Variants in TMEM232 observed in about 807,000 individuals in gnomAD.
TMEM232 encodes the protein transmembrane protein 232.
A neutral mutation model predicts 78.8 loss-of-function variants in TMEM232; 80 were observed. That is an observed-to-expected ratio of 1.01 (90% CI 0.85 to 1.22). The LOEUF is 1.22. Among genes scored for constraint, TMEM232 ranks in the 50% most tolerant of loss-of-function variants. TMEM232 has a pLI of 0.00. For missense variants in TMEM232, 881 were observed against 742.2 expected (o/e 1.19, Z -2.17); for synonymous variants, 297 against 254.3 (o/e 1.17, Z -1.60).
At chr5:110,590,540 G>A (rs186512618) in intron 10 of TMEM232, among the ~76,000 whole-genome samples, 2 of 151,944 alleles carry the variant, frequency 1.3e-5, no homozygotes, top group Admixed American at 6.6e-5. Context: ...TGAAGCAGTT[G>A]CATCAAAACC....
At chr5:110,505,012 C>A (rs1766706733) in intron 12 of TMEM232, among the ~76,000 whole-genome samples, 1 of 152,218 alleles carries the variant, frequency 6.6e-6, no homozygotes. Flanking sequence ...TCATGTATAC[C>A]TTCTTTCCTC....
At chr5:110,643,021 T>C (rs188984920) in intron 2 of TMEM232, among the ~76,000 whole-genome samples, 113 of 151,776 alleles carry the variant, frequency 7.4e-4, no homozygotes, top group African/African-American at 2.5e-3. Context: ...TGGGACGTAA[T>C]AGTGGCTTGG....
At chr5:110,473,517 T>C (rs1762899984) in intron 12 of TMEM232, among the ~76,000 whole-genome samples, 1 of 151,730 alleles carries the variant, frequency 6.6e-6, no homozygotes, top group Non-Finnish European at 1.5e-5. Flanking sequence ...TTAAATATTA[T>C]GGAGGTTTCT....
At chr5:110,497,605 GACA>G (rs1765774276) in intron 12 of TMEM232, among the ~76,000 whole-genome samples, 1 of 152,104 alleles carries the variant, frequency 6.6e-6, no homozygotes, top group Non-Finnish European at 1.5e-5. Flanking sequence ...GAGCAGATCT[GACA>G]ACAATGGCTC....
chr5:110,684,152 C>T (rs537406496), intron 1 of TMEM232, among the ~76,000 whole-genome samples: 1 of 151,622 alleles, frequency 6.6e-6, no homozygotes, highest in East Asian at 1.9e-4. Context: ...AAGCCAGAAA[C>T]CATAAAAGGG....
chr5:110,563,608 T>C (rs937436042), intron 11 of TMEM232, among the ~76,000 whole-genome samples: 17 of 151,878 alleles, frequency 1.1e-4, no homozygotes, highest in Non-Finnish European at 2.4e-4. Context: ...TAGGCTGTAA[T>C]TTTTTTAAGG....
At chr5:110,420,995 A>C (rs1429047550) in intron 13 of TMEM232, among the ~76,000 whole-genome samples, 4 of 151,978 alleles carry the variant, frequency 2.6e-5, no homozygotes, top group African/African-American at 9.6e-5. Context: ...AAAACAATAA[A>C]AAAGAAGACA....
chr5:110,653,941 G>A (rs1788681139), intron 2 of TMEM232, among the ~76,000 whole-genome samples: 1 of 152,154 alleles, frequency 6.6e-6, no homozygotes, highest in South Asian at 2.1e-4. Context: ...AAAATTTCAA[G>A]AGGAAGAATA....
intron 7 of TMEM232, among the ~76,000 whole-genome samples, chr5:110,620,131 A>G (rs1227070831): frequency 6.6e-6 from 1 of 152,180 alleles, no homozygotes; most frequent in Non-Finnish European, 1.5e-5. Context: ...TTAGACAACG[A>G]ACAAGATTTG....
At chr5:110,581,563 C>T (rs143232934) in intron 10 of TMEM232, among the ~76,000 whole-genome samples, 1 of 151,790 alleles carries the variant, frequency 6.6e-6, no homozygotes, top group Admixed American at 6.6e-5. Flanking sequence ...CTATAAAAAT[C>T]CTAGAAGAAA....
chr5:110,634,274 A>G (rs1414477947), intron 5 of TMEM232, among the ~76,000 whole-genome samples: 1 of 152,160 alleles, frequency 6.6e-6, no homozygotes, highest in Non-Finnish European at 1.5e-5. Context: ...GTCCCTTAGC[A>G]TAAGACATAT....
intron 12 of TMEM232, among the ~76,000 whole-genome samples, chr5:110,440,795 T>G (rs1363926051): frequency 6.6e-6 from 1 of 152,278 alleles, no homozygotes; most frequent in Non-Finnish European, 1.5e-5. Context: ...TTGAGTCCAA[T>G]GCCATCCTGA....
chr5:110,586,024 A>C (rs1385430076), intron 10 of TMEM232, among the ~76,000 whole-genome samples: 1 of 152,190 alleles, frequency 6.6e-6, no homozygotes, highest in African/African-American at 2.4e-5. Flanking sequence ...AACTTGTGGC[A>C]TACAGCTTAA....
At chr5:110,732,388 C>A (rs527243261) in intron 2 of TMEM232, among the ~76,000 whole-genome samples, 1 of 152,066 alleles carries the variant, frequency 6.6e-6, no homozygotes, top group East Asian at 1.9e-4. Flanking sequence ...ACTGTATTAG[C>A]GCATTTTCAT....
intron 10 of TMEM232, among the ~76,000 whole-genome samples, chr5:110,599,846 C>A (rs528716247): frequency 1.3e-5 from 2 of 152,258 alleles, no homozygotes; most frequent in African/African-American, 2.4e-5. Context: ...CTCTCCACCA[C>A]AAATCAACAG....
chr5:110,430,128 A>G (rs1184423822), intron 12 of TMEM232: 2 of 145,296 alleles, frequency 1.4e-5, no homozygotes, highest in African/African-American at 5.4e-5. Context: ...TGATATCAGA[A>G]AAAAAAAACT....
intron 1 of TMEM232, among the ~76,000 whole-genome samples, chr5:110,676,173 A>C (rs374503730): frequency 7.2e-5 from 11 of 152,212 alleles, no homozygotes; most frequent in African/African-American, 2.7e-4. Context: ...TCCTCCATCA[A>C]TGGACACTTA....
intron 2 of TMEM232, among the ~76,000 whole-genome samples, chr5:110,655,172 A>T (rs1788859536): frequency 6.6e-6 from 1 of 152,236 alleles, no homozygotes; most frequent in African/African-American, 2.4e-5. Flanking sequence ...AAGGGCTATT[A>T]TCCAGAATCT....
At chr5:110,401,044 C>G (rs1016592405) in intron 2 of TMEM232, among the ~76,000 whole-genome samples, 3 of 152,016 alleles carry the variant, frequency 2.0e-5, no homozygotes, top group African/African-American at 7.2e-5. Context: ...TACCTTGCAT[C>G]ACAGCAGAAA....
Sources: allele counts gnomAD v4.1 joint callset (sites outside exome capture counted in the v4.1 genomes callset), GRCh38; gene constraint gnomAD v4.1.1; transcripts MANE v1.5; gene names NCBI Gene and HGNC (gene_info 2026-07-23, HGNC 2026-07-21).